Variants in RGS7 observed in about 807,000 individuals in gnomAD.
RGS7 encodes regulator of G protein signaling 7, also known as regulator of G-protein signaling 7.
Under a neutral mutation model 81.1 loss-of-function variants are expected in RGS7, and 27 were observed. That is an observed-to-expected ratio of 0.33 (90% CI 0.25 to 0.46). The LOEUF is 0.46. RGS7 is among the 20% of genes least tolerant of loss of function. RGS7 has a pLI of 1.00. For synonymous variants in RGS7, 208 were observed against 207.7 expected (o/e 1.00, Z -0.01); for missense variants, 396 against 607.4 (o/e 0.65, Z 3.66).
intron 3 of RGS7, among the ~76,000 whole-genome samples, chr1:241,017,202 T>G (rs188215940): frequency 1.3e-5 from 2 of 152,194 alleles, no homozygotes; most frequent in Non-Finnish European, 1.5e-5. Context: ...AAGTTATATT[T>G]TAGATTAATT....
At position 241,299,863 on chromosome 1, in the gene RGS7, C is replaced by T. The variant is rs901142384; in HGVS notation, c.78+55836G>A. ...GGGCACAGTTGCTCATGTCTGTAAT[C>T]CTTTGGGAGGTCATGGTGGGAAGAC... is the stretch of plus-strand genomic sequence containing the variant. On this transcript the variant is annotated intron_variant, in intron 2 of 18. Coordinates refer to ENST00000440928, the MANE Select transcript of RGS7 (RefSeq NM_001364886.1). Among the ~76,000 whole-genome samples the T allele has an allele frequency of 3.8e-5, 5 of 131,914 alleles. 1 individual carries two copies. In the South Asian group the frequency reaches 7.5e-4, roughly 20 times the overall value. 86.5% of individuals were successfully genotyped at this position (131,914 alleles called of 152,430 possible).
intron 3 of RGS7, among the ~76,000 whole-genome samples, chr1:241,003,188 G>A (rs1238866017): frequency 1.3e-5 from 2 of 152,092 alleles, no homozygotes; most frequent in Non-Finnish European, 1.5e-5. Flanking sequence ...CCAGCCGGGC[G>A]CAGTGGCTCA....
chr1:241,197,624 C>T (rs12134914), intron 2 of RGS7, among the ~76,000 whole-genome samples: 40,210 of 151,458 alleles, frequency 0.27, 6,154 homozygotes, highest in Non-Finnish European at 0.33. Context: ...GATCACTTTC[C>T]ATAATGATAG....
At chr1:241,122,438 G>A (rs2066350188) in intron 2 of RGS7, among the ~76,000 whole-genome samples, 1 of 152,080 alleles carries the variant, frequency 6.6e-6, no homozygotes, top group African/African-American at 2.4e-5. Context: ...TCAAGCTGGT[G>A]GATCACCTGA....
intron 2 of RGS7, among the ~76,000 whole-genome samples, chr1:241,223,139 T>C: frequency 6.6e-6 from 1 of 152,088 alleles, no homozygotes; most frequent in East Asian, 1.9e-4. Flanking sequence ...AGAACCACTA[T>C]AATTGAGAAC....
chr1:240,944,276 G>GTATA (rs1678149163), intron 4 of RGS7, among the ~76,000 whole-genome samples: 1 of 18,846 alleles, frequency 5.3e-5, no homozygotes, highest in African/African-American at 1.6e-4. Flanking sequence ...GTGTGTGTGT[G>GTATA]TGTGTGTATA....
intron 4 of RGS7, among the ~76,000 whole-genome samples, chr1:240,982,371 G>A (rs557726862): frequency 5.1e-5 from 7 of 137,492 alleles, no homozygotes; most frequent in East Asian, 2.2e-4. Context: ...GCAGTGAGCC[G>A]AGATTGCACC....
chr1:241,339,729 T>C lies in RGS7; in HGVS notation c.78+15970A>G, dbSNP rs188288906. Among the ~76,000 whole-genome samples the C allele has an allele frequency of 1.2e-4, 18 of 152,196 alleles. 1 individual carries two copies. The highest frequency in any genetic ancestry group is 3.4e-3 in the Middle Eastern group (1 of 294). ...AAAAACAAAAGAAAAACAAGAAAGG[T>C]GCATGCCCTTTTTTTAAGAGCGCTT... On this transcript the variant is annotated intron_variant, in intron 2 of 18. Transcript: ENST00000440928.
chr1:241,147,916 A>G (rs1365033053), intron 2 of RGS7, among the ~76,000 whole-genome samples: 1 of 147,794 alleles, frequency 6.8e-6, no homozygotes, highest in Non-Finnish European at 1.5e-5. Flanking sequence ...TCACTTAACA[A>G]ATATTAATTG....
Position 240,919,856 on chromosome 1 carries a change from T to C in RGS7, c.385+10861A>G, listed in dbSNP as rs535240593. 14 of 823,046 alleles carry C rather than the reference T, an allele frequency of 1.7e-5. No individual in the cohort carries two copies. The Admixed American group carries it at 2.4e-4, about 14-fold the overall frequency. 51.0% of individuals were successfully genotyped at this position (823,046 alleles called of 1,614,324 possible). On this transcript the variant is annotated intron_variant, in intron 6 of 18. Transcript: ENST00000440928. ...CATAGGCCACTGTGGAGAATGGGGA[T>C]GTGGCCATGAATGGAAGGCCACACA...
At chr1:240,990,788 A>C (rs1353351640) in intron 3 of RGS7, among the ~76,000 whole-genome samples, 2 of 152,250 alleles carry the variant, frequency 1.3e-5, no homozygotes, top group African/African-American at 4.8e-5. Flanking sequence ...CAAAATAATC[A>C]AAACAGATAT....
intron 9 of RGS7, among the ~76,000 whole-genome samples, chr1:240,858,912 G>A (rs190657877): frequency 4.2e-4 from 64 of 152,146 alleles, no homozygotes; most frequent in African/African-American, 1.4e-3. Context: ...GAGGATTTTT[G>A]CATCTTTGTT....
intron 2 of RGS7, among the ~76,000 whole-genome samples, chr1:241,190,719 G>GA (rs1432162882): frequency 1.3e-5 from 2 of 151,928 alleles, no homozygotes; most frequent in East Asian, 3.9e-4. Context: ...TGTTTTTGTA[G>GA]ATTTTTTTCA....
intron 3 of RGS7, among the ~76,000 whole-genome samples, chr1:241,016,555 C>A (rs1216613424): frequency 6.9e-6 from 1 of 145,202 alleles, no homozygotes; most frequent in African/African-American, 2.8e-5. Flanking sequence ...ACAACAAAAA[C>A]CAACCAAACA....
At chr1:240,818,101 G>T (rs1691149706) in intron 10 of RGS7, among the ~76,000 whole-genome samples, 1 of 151,722 alleles carries the variant, frequency 6.6e-6, no homozygotes, top group Non-Finnish European at 1.5e-5. Flanking sequence ...TGCCAAACAA[G>T]AGGCAGGAAA....
In RGS7 at chr1:240,776,038, A is replaced by C; in HGVS notation, c.*182T>G. 4 of 789,524 alleles carry C rather than the reference A, an allele frequency of 5.1e-6. No individual in the cohort carries two copies. The highest frequency in any genetic ancestry group is 9.2e-6 in the Non-Finnish European group (4 of 434,634). 48.9% of individuals were successfully genotyped at this position (789,524 alleles called of 1,614,324 possible). On this transcript the variant is annotated 3_prime_UTR_variant, in exon 19 of 19. Coordinates refer to ENST00000440928, the MANE Select transcript of RGS7 (RefSeq NM_001364886.1). ...TTGGAGATGGAATGTACACACAAAAATAACAATTTAGGTCCTTTGCTCATG... is the reference window on the plus strand; with the variant it reads ...TTGGAGATGGAATGTACACACAAAACTAACAATTTAGGTCCTTTGCTCATG...
chr1:240,783,302 G>C (rs1684443792), intron 18 of RGS7, among the ~76,000 whole-genome samples: 1 of 152,088 alleles, frequency 6.6e-6, no homozygotes, highest in African/African-American at 2.4e-5. Flanking sequence ...AGCTATCAAA[G>C]GTATAAATTT....
At chr1:241,212,764 G>T (rs1235572022) in intron 2 of RGS7, among the ~76,000 whole-genome samples, 1 of 152,168 alleles carries the variant, frequency 6.6e-6, no homozygotes, top group Non-Finnish European at 1.5e-5. Flanking sequence ...TCTAATGAAT[G>T]AATGGCCTGC....
At chr1:240,957,301 A>T (rs1680603058) in intron 4 of RGS7, among the ~76,000 whole-genome samples, 1 of 152,314 alleles carries the variant, frequency 6.6e-6, no homozygotes, top group African/African-American at 2.4e-5. Flanking sequence ...GACTTACACC[A>T]GTGCTTTGCC....
Sources: allele counts gnomAD v4.1 joint callset (sites outside exome capture counted in the v4.1 genomes callset), GRCh38; gene constraint gnomAD v4.1.1; transcripts MANE v1.5; gene names NCBI Gene and HGNC (gene_info 2026-07-23, HGNC 2026-07-21).